The following SCEL variants were observed in gnomAD, a reference collection of about 807,000 sequenced individuals.
The protein encoded by SCEL is sciellin.
In SCEL, 113 loss-of-function variants were observed where a neutral mutation model predicts 117.6. That is an observed-to-expected ratio of 0.96 (90% confidence interval 0.83 to 1.12). The LOEUF is 1.12. Among genes scored for constraint, SCEL ranks in the 50% most tolerant of loss-of-function variants. The pLI, the probability that SCEL is intolerant of heterozygous loss-of-function variation, is 0.00. For synonymous variants in SCEL, 270 were observed against 256.2 expected (o/e 1.05, Z -0.51); for missense variants, 785 against 810.8 (o/e 0.97, Z 0.39).
chr13:77,617,681 A>G (rs935277294), intron 25 of SCEL, 23 bp downstream of exon 25: 10 of 1,545,480 alleles, frequency 6.5e-6, no homozygotes, highest in Admixed American at 1.7e-5. Flanking sequence ...TGTTGTTTTA[A>G]TGTACTTGGG....
rs759198927 is a variant in SCEL at position 77,608,115 on chromosome 13, G to A, written c.1217G>A (p.Gly406Asp). 1.2e-6 allele frequency: 2 copies of A among 1,609,864 alleles called. No individual in the cohort carries two copies. Among genetic ancestry groups the A allele is most frequent in the Admixed American group, 1.7e-5 (1 of 59,854 alleles). ...CCTGAAGTAAAGAGAAGTAACCAAG[G>A]GTGAGGACTATGTCTTACCTCTCTT... Reference protein sequence around the residue: ...VTPEVKRSNQGSKDLNNFIKV... With the variant: ...VTPEVKRSNQDSKDLNNFIKV... Residue 406 changes from glycine to aspartate, a missense_variant and splice_region_variant, in exon 20 of 33, where the codon GGT becomes GAT. Transcript: ENST00000349847.
At chr13:77,632,245 G>A (rs930115329) in intron 28 of SCEL, among the ~76,000 whole-genome samples, 1 of 152,178 alleles carries the variant, frequency 6.6e-6, no homozygotes, top group African/African-American at 2.4e-5. Flanking sequence ...TCCTGTTTGT[G>A]GATTTTGCAA....
chr13:77,562,113 C>G (rs1046727776), intron 4 of SCEL, among the ~76,000 whole-genome samples: 7 of 152,134 alleles, frequency 4.6e-5, no homozygotes, highest in Non-Finnish European at 7.3e-5. Context: ...GCATCAGTAG[C>G]TGTGTTAAGA....
chr13:77,543,970 C>T (rs988206007), intron 1 of SCEL, among the ~76,000 whole-genome samples: 1 of 152,176 alleles, frequency 6.6e-6, no homozygotes, highest in African/African-American at 2.4e-5. Flanking sequence ...AATCTGCCTA[C>T]ATTTCGACCA....
intron 4 of SCEL, among the ~76,000 whole-genome samples, chr13:77,562,597 A>G (rs2085046899): frequency 6.6e-6 from 1 of 151,924 alleles, no homozygotes; most frequent in South Asian, 2.1e-4. Context: ...CCTTACCCAA[A>G]CCTCTTTTAT....
intron 9 of SCEL, among the ~76,000 whole-genome samples, chr13:77,585,897 A>G (rs1018108528): frequency 1.3e-5 from 2 of 152,008 alleles, no homozygotes; most frequent in African/African-American, 4.8e-5. Flanking sequence ...CCCTGCTTCC[A>G]CAGCCTGTCT....
At chr13:77,603,420 T>G (rs1381506653) in intron 18 of SCEL, among the ~76,000 whole-genome samples, 4 of 152,198 alleles carry the variant, frequency 2.6e-5, no homozygotes, top group African/African-American at 9.6e-5. Flanking sequence ...ATGCACAGTC[T>G]TGACAAAATT....
chr13:77,546,504 T>A (rs2083996277), intron 1 of SCEL, among the ~76,000 whole-genome samples: 1 of 152,184 alleles, frequency 6.6e-6, no homozygotes, highest in African/African-American at 2.4e-5. Context: ...CAGCCGGTGG[T>A]ACTTGGTAGG....
At chr13:77,639,654 G>A (rs1025793111) in intron 30 of SCEL, among the ~76,000 whole-genome samples, 1 of 152,088 alleles carries the variant, frequency 6.6e-6, no homozygotes, top group African/African-American at 2.4e-5. Context: ...TTCTGTACCT[G>A]TTTCTTTTTT....
chr13:77,589,310 G>A, intron 10 of SCEL, 86 bp downstream of exon 10: 3 of 963,420 alleles, frequency 3.1e-6, no homozygotes, highest in African/African-American at 1.7e-5. Context: ...TGTGGGCAAA[G>A]CATGAATGTT....
At chr13:77,567,564 A>G in intron 5 of SCEL, 116 bp from the exon 6 acceptor site, 1 of 695,962 alleles carries the variant, frequency 1.4e-6, no homozygotes. Context: ...CTTGAAAAAT[A>G]GTTCTCTTTA....
chr13:77,618,186 T>C, intron 27 of SCEL, 126 bp downstream of exon 27: 1 of 755,218 alleles, frequency 1.3e-6, no homozygotes, highest in Non-Finnish European at 2.3e-6. Context: ...CCCTTTTTTC[T>C]TTCTTTCCTT....
Position 77,644,273 on chromosome 13 carries a change from A to G in SCEL, c.2066A>G (p.Ter689=). ...TAATTTGCAGCAAAGTGGATTCCAT[A>G]ACTCTGGCACAAGGAAATCAAGATG... ...YSKIMAKWIP[*] is the part of the protein sequence containing the mutation. Residue 689 remains the stop codon, a stop_retained_variant, in exon 33 of 33, where the codon TAA becomes TGA. Coordinates refer to ENST00000349847, the MANE Select transcript of SCEL (RefSeq NM_144777.3). The G allele has an allele frequency of 6.2e-7, 1 of 1,613,228 alleles. No homozygotes were observed. Among genetic ancestry groups the G allele is most frequent in the African/African-American group, 1.3e-5 (1 of 75,024 alleles).
chr13:77,602,526 C>A, intron 16 of SCEL, 128 bp from the exon 17 acceptor site: 1 of 726,702 alleles, frequency 1.4e-6, no homozygotes. Flanking sequence ...ATAATTACAT[C>A]AAAGCTCTTT....
At chr13:77,612,983 C>T in intron 23 of SCEL, 42 bp downstream of exon 23, 1 of 1,095,676 alleles carries the variant, frequency 9.1e-7, no homozygotes, top group Non-Finnish European at 1.3e-6. Context: ...AGCAAGTCAC[C>T]AATTTATGCC....
chr13:77,631,529 G>A (rs117428657), intron 28 of SCEL, among the ~76,000 whole-genome samples: 3,890 of 152,282 alleles, frequency 0.026, 164 homozygotes, highest in East Asian at 0.13. Context: ...AGGTTTGACA[G>A]CTCTGTTATA....
At chr13:77,573,980 C>T (rs558173308) in intron 9 of SCEL, among the ~76,000 whole-genome samples, 1 of 152,260 alleles carries the variant, frequency 6.6e-6, no homozygotes, top group African/African-American at 2.4e-5. Flanking sequence ...TAGGAGTTAA[C>T]TAGTTATTAT....
intron 12 of SCEL, among the ~76,000 whole-genome samples, chr13:77,595,470 A>G (rs2087169492): frequency 6.6e-6 from 1 of 152,198 alleles, no homozygotes; most frequent in South Asian, 2.1e-4. Flanking sequence ...TTTATTTGGA[A>G]TACAGTATCC....
chr13:77,610,006 G>T, intron 21 of SCEL, 41 bp from the exon 22 acceptor site: 2 of 1,368,808 alleles, frequency 1.5e-6, no homozygotes, highest in Non-Finnish European at 2.1e-6. Flanking sequence ...GAAACCATTC[G>T]ATTTAAATCT....
Sources: gnomAD v4.1 joint callset for allele counts (sites outside exome capture counted in the v4.1 genomes callset) on GRCh38, gnomAD v4.1.1 for gene constraint, MANE v1.5 for transcripts, NCBI Gene and HGNC (gene_info 2026-07-23, HGNC 2026-07-21) for gene names.